The following NAALADL2 variants were observed in gnomAD, a reference collection of about 807,000 sequenced individuals.
The protein encoded by NAALADL2 is inactive N-acetylated-alpha-linked acidic dipeptidase-like protein 2.
In NAALADL2, 76 loss-of-function variants were observed where a neutral mutation model predicts 87.2. The ratio of observed to expected loss-of-function variants is 0.87; its 90% CI spans 0.72 to 1.05. The LOEUF (loss-of-function observed/expected upper bound fraction) is 1.05. Among genes scored for constraint, NAALADL2 ranks in the 50% least tolerant of loss-of-function variants. NAALADL2 has a pLI of 0.00. For synonymous variants in NAALADL2, 354 were observed against 331.0 expected (o/e 1.07, Z -0.75); for missense variants, 1,089 against 945.8 (o/e 1.15, Z -1.99).
At chr3:175,397,377 T>G (rs1199794354) in intron 5 of NAALADL2, 1 of 145,506 alleles carries the variant, frequency 6.9e-6, no homozygotes, top group Non-Finnish European at 1.5e-5. Flanking sequence ...AGTTCTAAAT[T>G]TTTTTTTTGA....
rs1009956200 is a variant in NAALADL2 at position 175,804,559 on chromosome 3, C to G, written c.*1356C>G. On this transcript the variant is annotated 3_prime_UTR_variant, in exon 14 of 14. Coordinates refer to ENST00000454872, the MANE Select transcript of NAALADL2 (RefSeq NM_207015.3). The stretch of plus-strand genomic sequence containing the variant: ...TTTTCCTATACTGGATAAAGCAATT[C>G]CCCTTAGGAAACATAGCCTCAGAGT... 6.6e-6 allele frequency: 1 copy of G among 151,732 alleles called. No homozygotes were observed. Among genetic ancestry groups the G allele is most frequent in the East Asian group, 1.9e-4 (1 of 5,174 alleles). 9.4% of individuals were successfully genotyped at this position (151,732 alleles called of 1,614,324 possible).
chr3:174,792,854 TA>T (rs1341848910), intron 3 of NAALADL2, among the ~76,000 whole-genome samples: 3 of 152,200 alleles, frequency 2.0e-5, no homozygotes, highest in Non-Finnish European at 4.4e-5. Flanking sequence ...CATTTTGAGA[TA>T]CCTTTCTTAA....
At chr3:175,087,314 C>T (rs1249628068) in intron 1 of NAALADL2, among the ~76,000 whole-genome samples, 3 of 152,156 alleles carry the variant, frequency 2.0e-5, no homozygotes, top group African/African-American at 7.2e-5. Context: ...GCAGCTGCCC[C>T]TTCCGGGAAG....
chr3:175,189,227 A>G (rs930245724), intron 2 of NAALADL2, among the ~76,000 whole-genome samples: 2 of 152,248 alleles, frequency 1.3e-5, no homozygotes, highest in African/African-American at 2.4e-5. Context: ...TACTAGAAGT[A>G]CTAGCAAGAG....
chr3:175,502,228 G>GGTGTGT (rs3040528), intron 9 of NAALADL2, among the ~76,000 whole-genome samples: 4,567 of 147,356 alleles, frequency 0.031, 170 homozygotes, highest in African/African-American at 0.093. Context: ...CATTATCCTG[G>GGTGTGT]GTGTGTGTGT....
At chr3:175,279,008 G>T (rs1753944230) in intron 4 of NAALADL2, among the ~76,000 whole-genome samples, 1 of 152,102 alleles carries the variant, frequency 6.6e-6, no homozygotes, top group African/African-American at 2.4e-5. Flanking sequence ...TGAGCATACG[G>T]TTTTTTCTCT....
At chr3:174,452,029 G>T (rs561921713) in intron 1 of NAALADL2, among the ~76,000 whole-genome samples, 1 of 151,562 alleles carries the variant, frequency 6.6e-6, no homozygotes, top group South Asian at 2.1e-4. Flanking sequence ...TTAAACTAGA[G>T]GTGGGGTTTT....
At position 175,755,369 on chromosome 3, in the gene NAALADL2, G is replaced by C. The variant is rs765634961; in HGVS notation, c.2140G>C (p.Asp714His). 4.3e-6 allele frequency: 7 copies of C among 1,610,784 alleles called. No individual in the cohort carries two copies. Among genetic ancestry groups the C allele is most frequent in the Non-Finnish European group, 5.9e-6 (7 of 1,178,308 alleles). Residue 714 changes from aspartate (D) to histidine (H), a missense_variant, in exon 13 of 14, where the codon GAC becomes CAC. Asp to His is a moderately conservative substitution (Grantham distance 81). Transcript: ENST00000454872. Reference protein sequence around the residue: ...RIRMLNDILQDMEKSFLVKQA... With the variant: ...RIRMLNDILQHMEKSFLVKQA... ...CCGGATGCTGAATGACATTCTCCAA[G>C]ACATGGAGAAAAGCTTTCTGGTAAA... is the stretch of plus-strand genomic sequence containing the variant.
chr3:175,568,069 A>G (rs6764422), intron 9 of NAALADL2, among the ~76,000 whole-genome samples: 97,479 of 151,636 alleles, frequency 0.64, 33,977 homozygotes, highest in East Asian at 0.85. Flanking sequence ...CCCTTACCCA[A>G]TTTAATCTTT....
chr3:175,685,449 GGTGTGTGTGTGTGTGTGTGT>G (rs59449046), intron 11 of NAALADL2, among the ~76,000 whole-genome samples: 1 of 144,586 alleles, frequency 6.9e-6, no homozygotes, highest in Non-Finnish European at 1.5e-5. Flanking sequence ...ACCAACAGGA[GGTGTGTGTGTGTGTGTGTGT>G]GTGTGTGTGT....
intron 4 of NAALADL2, among the ~76,000 whole-genome samples, chr3:175,323,796 T>C (rs1404176436): frequency 6.6e-6 from 1 of 151,550 alleles, no homozygotes; most frequent in Non-Finnish European, 1.5e-5. Context: ...GGTGGGCGGA[T>C]CACGAGGTCA....
chr3:175,444,251 ATAT>A (rs1246323965), intron 5 of NAALADL2, among the ~76,000 whole-genome samples: 2 of 152,208 alleles, frequency 1.3e-5, no homozygotes, highest in Non-Finnish European at 2.9e-5. Flanking sequence ...TTGTGCATCA[ATAT>A]TATTTCATTA....
intron 2 of NAALADL2, among the ~76,000 whole-genome samples, chr3:174,601,069 A>G (rs948162770): frequency 6.6e-6 from 1 of 152,164 alleles, no homozygotes; most frequent in African/African-American, 2.4e-5. Flanking sequence ...TGTGTTTCAA[A>G]CAATCCAATT....
intron 1 of NAALADL2, among the ~76,000 whole-genome samples, chr3:174,870,602 A>AC (rs566860504): frequency 0.019 from 2,939 of 151,190 alleles, 107 homozygotes; most frequent in African/African-American, 0.067. Context: ...TAAAAAAAAA[A>AC]CACAATTAGC....
chr3:174,990,388 G>A (rs1000451861), intron 1 of NAALADL2, among the ~76,000 whole-genome samples: 8 of 151,916 alleles, frequency 5.3e-5, no homozygotes, highest in Non-Finnish European at 7.4e-5. Context: ...ATCCTGAGCC[G>A]AAAAAATGAA....
At chr3:174,984,186 CAT>C (rs1190450737) in intron 1 of NAALADL2, among the ~76,000 whole-genome samples, 1 of 152,078 alleles carries the variant, frequency 6.6e-6, no homozygotes, top group Non-Finnish European at 1.5e-5. Flanking sequence ...AATATAAAAA[CAT>C]AAAAGGTTGG....
intron 10 of NAALADL2, among the ~76,000 whole-genome samples, chr3:175,601,897 C>T (rs7614230): frequency 0.75 from 114,227 of 152,058 alleles, 43,106 homozygotes; most frequent in East Asian, 0.88. Flanking sequence ...AGTTATAAAA[C>T]TTTTGCTTTA....
At chr3:174,984,947 T>G (rs544962763) in intron 1 of NAALADL2, among the ~76,000 whole-genome samples, 1 of 152,196 alleles carries the variant, frequency 6.6e-6, no homozygotes, top group African/African-American at 2.4e-5. Flanking sequence ...TATTTAGATA[T>G]GTGATTTAAC....
At chr3:174,739,243 C>A (rs1218824273) in intron 3 of NAALADL2, among the ~76,000 whole-genome samples, 1 of 151,858 alleles carries the variant, frequency 6.6e-6, no homozygotes, top group African/African-American at 2.4e-5. Context: ...AAAATAAGTA[C>A]ATTTTATCAG....
Sources: gnomAD v4.1 joint callset for allele counts (sites outside exome capture counted in the v4.1 genomes callset) on GRCh38, gnomAD v4.1.1 for gene constraint, MANE v1.5 for transcripts, NCBI Gene and HGNC (gene_info 2026-07-23, HGNC 2026-07-21) for gene names.